Variants in NARS2 observed in about 807,000 individuals in gnomAD.
The protein encoded by NARS2 is asparaginyl-tRNA synthetase.
In NARS2, 60 loss-of-function variants were observed where a neutral mutation model predicts 62.9. The observed-to-expected ratio is 0.95, with a 90% CI of 0.77 to 1.18. NARS2 has a LOEUF of 1.18. NARS2 is among the 50% of genes most tolerant of loss of function. The pLI is 0.00. For synonymous variants in NARS2, 196 were observed against 200.0 expected, an observed-to-expected ratio of 0.98 and a Z score of 0.17; for missense variants, 619 against 576.4, an observed-to-expected ratio of 1.07 and a Z score of -0.76.
At chr11:78,483,359 A>T (rs1291200066) in intron 7 of NARS2, among the ~76,000 whole-genome samples, 3 of 152,192 alleles carry the variant, frequency 2.0e-5, no homozygotes, top group African/African-American at 7.2e-5. Context: ...CACCACTCCT[A>T]TTCAACATAG....
chr11:78,570,195 A>G (rs1253879841), intron 2 of NARS2, among the ~76,000 whole-genome samples: 1 of 152,176 alleles, frequency 6.6e-6, no homozygotes, highest in South Asian at 2.1e-4. Flanking sequence ...CTCCAGGAAA[A>G]AAAAAAGTTA....
At chr11:78,498,264 C>T (rs979860352) in intron 6 of NARS2, among the ~76,000 whole-genome samples, 1 of 152,146 alleles carries the variant, frequency 6.6e-6, no homozygotes, top group African/African-American at 2.4e-5. Flanking sequence ...ATTTGATACA[C>T]CTTGAAATAC....
intron 5 of NARS2, among the ~76,000 whole-genome samples, chr11:78,554,578 T>C (rs918244097): frequency 6.6e-6 from 1 of 151,778 alleles, no homozygotes; most frequent in Non-Finnish European, 1.5e-5. Context: ...AGTTTGGTTG[T>C]TGTTGGTGTA....
intron 11 of NARS2, among the ~76,000 whole-genome samples, chr11:78,452,402 T>C (rs1381144602): frequency 6.6e-6 from 1 of 152,036 alleles, no homozygotes; most frequent in Non-Finnish European, 1.5e-5. Context: ...CCACCGTGTC[T>C]GGCCGATTTT....
intron 11 of NARS2, among the ~76,000 whole-genome samples, chr11:78,451,947 G>A (rs1195384952): frequency 6.6e-6 from 1 of 152,116 alleles, no homozygotes; most frequent in Non-Finnish European, 1.5e-5. Flanking sequence ...CCGGACTCTA[G>A]AGCACATCTT....
chr11:78,501,528 T>C (rs1860283334), intron 6 of NARS2, among the ~76,000 whole-genome samples: 2 of 152,168 alleles, frequency 1.3e-5, no homozygotes, highest in African/African-American at 4.8e-5. Flanking sequence ...TCTGAAGACC[T>C]CTCTTCAGAA....
chr11:78,511,642 C>T (rs534742695), intron 6 of NARS2, among the ~76,000 whole-genome samples: 31 of 151,996 alleles, frequency 2.0e-4, no homozygotes, highest in African/African-American at 7.2e-4. Context: ...GCGTGAATCC[C>T]GGAGGCGGAG....
At chr11:78,457,608 T>C (rs1434412839) in intron 11 of NARS2, among the ~76,000 whole-genome samples, 2 of 152,246 alleles carry the variant, frequency 1.3e-5, no homozygotes, top group Non-Finnish European at 2.9e-5. Context: ...TGAGAAGCTA[T>C]ATACTCTAGT....
At chr11:78,491,100 C>G (rs1034988657) in intron 7 of NARS2, among the ~76,000 whole-genome samples, 1 of 152,224 alleles carries the variant, frequency 6.6e-6, no homozygotes, top group Non-Finnish European at 1.5e-5. Context: ...ATGCCACTGA[C>G]TCCTTCTGAA....
intron 5 of NARS2, among the ~76,000 whole-genome samples, chr11:78,539,130 T>C (rs906038072): frequency 6.6e-6 from 1 of 151,064 alleles, no homozygotes; most frequent in Non-Finnish European, 1.5e-5. Flanking sequence ...CACTGAAATG[T>C]AAGCATGGGG....
At chr11:78,537,203 G>A (rs148568450) in intron 5 of NARS2, among the ~76,000 whole-genome samples, 1 of 152,304 alleles carries the variant, frequency 6.6e-6, no homozygotes, top group Non-Finnish European at 1.5e-5. Flanking sequence ...TGGATGGAGA[G>A]ATGCAGAGAG....
intron 7 of NARS2, among the ~76,000 whole-genome samples, chr11:78,486,389 C>T (rs1859576033): frequency 6.6e-6 from 1 of 152,120 alleles, no homozygotes; most frequent in Non-Finnish European, 1.5e-5. Context: ...AAGGCTAGGG[C>T]TCACCTCCAA....
chr11:78,527,766 G>T (rs1861342160), intron 6 of NARS2, among the ~76,000 whole-genome samples: 2 of 151,950 alleles, frequency 1.3e-5, no homozygotes, highest in Admixed American at 6.6e-5. Flanking sequence ...AATATTTAAA[G>T]AAAAAGATAC....
chr11:78,468,694 G>A (rs187036520), intron 10 of NARS2, among the ~76,000 whole-genome samples: 15 of 151,842 alleles, frequency 9.9e-5, no homozygotes, highest in East Asian at 7.7e-4. Flanking sequence ...GTGAGCCACC[G>A]CACCCAGCCT....
chr11:78,478,348 T>G (rs1859195860), intron 9 of NARS2, 90 bp downstream of exon 9: 1 of 488,234 alleles, frequency 2.0e-6, no homozygotes, highest in African/African-American at 2.0e-5. Flanking sequence ...ATAGGATCTA[T>G]ATAAGCAGAT....
At chr11:78,485,556 G>A (rs1859535863) in intron 7 of NARS2, among the ~76,000 whole-genome samples, 1 of 147,312 alleles carries the variant, frequency 6.8e-6, no homozygotes, top group African/African-American at 2.7e-5. Context: ...TTGTCTCCTG[G>A]TTTTGATTTG....
At chr11:78,553,123 ATTTT>A (rs949433372) in intron 5 of NARS2, among the ~76,000 whole-genome samples, 4 of 151,782 alleles carry the variant, frequency 2.6e-5, no homozygotes, top group African/African-American at 9.7e-5. Context: ...CAGCACTGTT[ATTTT>A]TTTATTTTTT....
chr11:78,510,323 G>A (rs532903369), intron 6 of NARS2, among the ~76,000 whole-genome samples: 8 of 152,200 alleles, frequency 5.3e-5, no homozygotes, highest in South Asian at 2.1e-4. Context: ...AAGAGAGCAC[G>A]GGTGGCTATA....
At position 78,489,872 on chromosome 11, in the gene NARS2, C is replaced by G. The variant is rs139336015; in HGVS notation, c.822+3191G>C. Among the ~76,000 whole-genome samples the G allele has an allele frequency of 1.8e-3, 269 of 152,046 alleles. 1 individual carries two copies. The highest frequency in any genetic ancestry group is 6.0e-3 in the African/African-American group (248 of 41,464). On this transcript the variant is annotated intron_variant, in intron 7 of 13. Transcript: ENST00000281038. Reference sequence around the variant, plus strand: ...AAGTTTGAGACCAGCGTGGGTAACACAGTGAGATCCTGTTTCTATAAAAAA... The same window carrying G: ...AAGTTTGAGACCAGCGTGGGTAACAGAGTGAGATCCTGTTTCTATAAAAAA...
Sources: gnomAD v4.1 joint callset for allele counts (sites outside exome capture counted in the v4.1 genomes callset) on GRCh38, gnomAD v4.1.1 for gene constraint, MANE v1.5 for transcripts, NCBI Gene and HGNC (gene_info 2026-07-23, HGNC 2026-07-21) for gene names.